The following FNIP1 variants were observed in gnomAD, a reference collection of about 807,000 sequenced individuals.
FNIP1 encodes the protein folliculin interacting protein 1.
A neutral mutation model predicts 124.5 loss-of-function variants in FNIP1; 40 were observed. That is an observed-to-expected ratio of 0.32 (90% CI 0.25 to 0.42). The LOEUF (loss-of-function observed/expected upper bound fraction) is 0.42. Ranked by LOEUF, FNIP1 falls within the 10% of genes least tolerant of loss-of-function variation. FNIP1 has a pLI of 1.00. For synonymous variants in FNIP1, 472 were observed against 470.6 expected (o/e 1.00, Z -0.04); for missense variants, 1,176 against 1,403.7 (o/e 0.84, Z 2.59).
At chr5:131,723,012 A>C (rs1769726390) in intron 3 of FNIP1, among the ~76,000 whole-genome samples, 1 of 152,076 alleles carries the variant, frequency 6.6e-6, no homozygotes, top group Non-Finnish European at 1.5e-5. Flanking sequence ...GAAAAAAGTC[A>C]TTTCTGTCAT....
chr5:131,711,571 G>A (rs1769292891), intron 6 of FNIP1, among the ~76,000 whole-genome samples: 1 of 152,186 alleles, frequency 6.6e-6, no homozygotes, highest in Non-Finnish European at 1.5e-5. Context: ...ATAGCTCACT[G>A]CAAGCTCGAA....
intron 1 of FNIP1, chr5:131,795,729 T>C (rs556353678): frequency 2.6e-5 from 4 of 152,368 alleles, no homozygotes; most frequent in East Asian, 1.9e-4. Context: ...GAGTGAATAA[T>C]TTTAAGAATA....
chr5:131,729,890 C>T (rs1214599536), intron 3 of FNIP1, among the ~76,000 whole-genome samples: 2 of 152,132 alleles, frequency 1.3e-5, no homozygotes, highest in Non-Finnish European at 2.9e-5. Context: ...GGATTACAGG[C>T]ATGTGCCACC....
intron 11 of FNIP1, among the ~76,000 whole-genome samples, chr5:131,680,714 G>T (rs1411466907): frequency 6.6e-6 from 1 of 152,142 alleles, no homozygotes; most frequent in Non-Finnish European, 1.5e-5. Flanking sequence ...TAAGCCCAGA[G>T]TTCAAAACCA....
In FNIP1 at chr5:131,683,364, C is replaced by T. The variant is rs538807039; in HGVS notation, c.1203-4189G>A. On this transcript the variant is annotated intron_variant, in intron 11 of 17. Coordinates refer to ENST00000510461, the MANE Select transcript of FNIP1 (RefSeq NM_133372.3). ...GAGATTGAGACCATCCTGGCTAACA[C>T]GGAGAAACCCTGTCGCTACTAAAAA... is the stretch of plus-strand genomic sequence containing the variant. Among the ~76,000 whole-genome samples the T allele has an allele frequency of 3.8e-4, 58 of 151,544 alleles. 1 individual carries two copies. The highest frequency in any genetic ancestry group is 3.3e-3 in the Admixed American group (50 of 15,198).
intron 6 of FNIP1, 75 bp from the exon 7 acceptor site, chr5:131,710,736 G>T: frequency 7.6e-7 from 1 of 1,308,006 alleles, no homozygotes; most frequent in South Asian, 1.3e-5. Context: ...GAAAAAAGGT[G>T]AGCTAAGGCA....
intron 11 of FNIP1, 28 bp from the exon 12 acceptor site, chr5:131,679,203 T>C (rs189890093): frequency 5.9e-6 from 8 of 1,367,238 alleles, no homozygotes; most frequent in Non-Finnish European, 7.3e-6. Context: ...CATTATGAAA[T>C]GTATAGTTCC....
intron 1 of FNIP1, among the ~76,000 whole-genome samples, chr5:131,786,919 A>G (rs1032920615): frequency 6.6e-6 from 1 of 152,200 alleles, no homozygotes; most frequent in Non-Finnish European, 1.5e-5. Flanking sequence ...TACTGAACTA[A>G]AGCAGGGGAT....
rs559021334 is a variant in FNIP1, at chr5:131,643,754, C to G, written c.*931G>C. 7.2e-5 allele frequency: 11 copies of G among 152,594 alleles called. No individual in the cohort carries two copies. The highest frequency in any genetic ancestry group is 1.5e-4 in the Non-Finnish European group (10 of 68,002). The allele number at this position is 152,594 out of a possible 1,614,324, so 9.5% of individuals were successfully genotyped here. A position where few individuals can be genotyped will look rare whatever the true frequency, so the allele number is the denominator to read the frequency against. On this transcript the variant is annotated 3_prime_UTR_variant, in exon 18 of 18. Coordinates refer to ENST00000510461, the MANE Select transcript of FNIP1 (RefSeq NM_133372.3). ...GGTTCATGAGGGTTGATACCAAAAG[C>G]AAGGGCCTTGGCTACCTGAGCACTT... is the stretch of plus-strand genomic sequence containing the variant.
chr5:131,763,202 G>A (rs1412571629), intron 1 of FNIP1, among the ~76,000 whole-genome samples: 1 of 151,974 alleles, frequency 6.6e-6, no homozygotes, highest in African/African-American at 2.4e-5. Flanking sequence ...AAATGCTTGA[G>A]GAGATAGATA....
chr5:131,648,221 C>A (rs999030794), intron 16 of FNIP1, among the ~76,000 whole-genome samples: 2 of 148,862 alleles, frequency 1.3e-5, no homozygotes, highest in Non-Finnish European at 3.0e-5. Flanking sequence ...GTGGCACGTG[C>A]CTGTAGTCTT....
At chr5:131,706,157 T>C (rs1267748689) in intron 9 of FNIP1, among the ~76,000 whole-genome samples, 1 of 151,960 alleles carries the variant, frequency 6.6e-6, no homozygotes, top group African/African-American at 2.4e-5. Context: ...AGTTCTGGAG[T>C]TGGATGGTGA....
At chr5:131,647,018 A>C in intron 17 of FNIP1, 72 bp downstream of exon 17, 1 of 1,328,796 alleles carries the variant, frequency 7.5e-7, no homozygotes, top group East Asian at 2.3e-5. Flanking sequence ...GAAAAAGGGC[A>C]ATTCTGAGGA....
Position 131,710,480 on chromosome 5 carries a change from CCAACTGCATTCAT to C in FNIP1, c.706+85_706+97del. The C allele has an allele frequency of 9.5e-6, 10 of 1,053,436 alleles. No homozygotes were observed. The South Asian group carries it at 1.7e-4, about 18-fold the overall frequency. The allele number at this position is 1,053,436 out of a possible 1,614,324, so 65.3% of individuals were successfully genotyped here. On this transcript the variant is annotated intron_variant, in intron 7 of 17. Coordinates refer to ENST00000510461, the MANE Select transcript of FNIP1 (RefSeq NM_133372.3). ...CAATGTTTTCTTAACCACAACCTCA[CCAACTGCATTCAT>C]CTACTCTCTTGTTTCCACAGCTTAA...
At chr5:131,650,183 C>T (rs1580725464) in intron 16 of FNIP1, among the ~76,000 whole-genome samples, 1 of 152,114 alleles carries the variant, frequency 6.6e-6, no homozygotes, top group African/African-American at 2.4e-5. Flanking sequence ...ATAGGGATTA[C>T]ATTCAATCTG....
rs1229761481 is a variant in FNIP1 at position 131,642,704 on chromosome 5, T to A, written c.*1981A>T. 4 of 151,910 alleles carry A rather than the reference T, an allele frequency of 2.6e-5. No individual in the cohort carries two copies. Among genetic ancestry groups the A allele is most frequent in the Admixed American group, 1.3e-4 (2 of 15,228 alleles). 9.4% of individuals were successfully genotyped at this position (151,910 alleles called of 1,614,324 possible). On this transcript the variant is annotated 3_prime_UTR_variant, in exon 18 of 18. Transcript: ENST00000510461. ...GACCAACACATGGTGAAATCTCATC[T>A]CTACTAAAAATAAAAAATTAGCTGG...
intron 11 of FNIP1, among the ~76,000 whole-genome samples, chr5:131,692,008 C>G (rs375565278): frequency 1.3e-5 from 2 of 151,442 alleles, no homozygotes; most frequent in African/African-American, 2.4e-5. Flanking sequence ...GAAGTTATAG[C>G]TAGGGCTGTA....
At chr5:131,738,248 T>A (rs1770381424) in intron 2 of FNIP1, among the ~76,000 whole-genome samples, 2 of 152,190 alleles carry the variant, frequency 1.3e-5, no homozygotes, top group Non-Finnish European at 2.9e-5. Context: ...ACGTGTCATA[T>A]CAATTTGTAT....
intron 15 of FNIP1, among the ~76,000 whole-genome samples, chr5:131,667,099 A>G (rs31588): frequency 0.95 from 144,166 of 152,300 alleles, 68,311 homozygotes; most frequent in African/African-American, 0.99. Flanking sequence ...ACCACCAACT[A>G]ATAAAAAATC....
Sources: gnomAD v4.1 joint callset for allele counts (sites outside exome capture counted in the v4.1 genomes callset) on GRCh38, gnomAD v4.1.1 for gene constraint, MANE v1.5 for transcripts, NCBI Gene and HGNC (gene_info 2026-07-23, HGNC 2026-07-21) for gene names.